The following ARB2A variants were observed in gnomAD, a reference collection of about 807,000 sequenced individuals.
ARB2A encodes ARB2 cotranscriptional regulator A, also known as cotranscriptional regulator ARB2A.
At chr5:93,939,048 C>T in the ARB2A span, among the ~76,000 whole-genome samples, 1 of 152,144 alleles carries the variant, frequency 6.6e-6, no homozygotes, top group Non-Finnish European at 1.5e-5. Flanking sequence ...TAAATGTTCT[C>T]TTAAATATTT....
At chr5:93,959,943 A>G in the ARB2A span, among the ~76,000 whole-genome samples, 1 of 152,036 alleles carries the variant, frequency 6.6e-6, no homozygotes, top group African/African-American at 2.4e-5. Context: ...GATCAAGCAG[A>G]AAGTTGACAT....
the ARB2A span, among the ~76,000 whole-genome samples, chr5:94,006,308 A>G: frequency 2.6e-5 from 4 of 152,254 alleles, no homozygotes; most frequent in Non-Finnish European, 1.5e-5. Flanking sequence ...CTCCATTTAT[A>G]TAACACTACT....
chr5:93,865,696 A>T, the ARB2A span: 2 of 985,300 alleles, frequency 2.0e-6, no homozygotes. Flanking sequence ...TCTTAATAAT[A>T]TGACATCCAG....
the ARB2A span, among the ~76,000 whole-genome samples, chr5:94,046,952 A>G: frequency 6.6e-6 from 1 of 152,218 alleles, no homozygotes; most frequent in Admixed American, 6.5e-5. Context: ...TTCAATTAAT[A>G]ATTAACCTTC....
chr5:93,939,166 A>T, the ARB2A span, among the ~76,000 whole-genome samples: 1 of 151,708 alleles, frequency 6.6e-6, no homozygotes, highest in Non-Finnish European at 1.5e-5. Flanking sequence ...CTTTCAAATA[A>T]TTTTTTTTTA....
the ARB2A span, chr5:94,111,692 A>G: frequency 6.6e-6 from 1 of 152,266 alleles, no homozygotes; most frequent in East Asian, 1.9e-4. Flanking sequence ...TACGCACTTG[A>G]CGGCAGCGGC....
chr5:94,082,900 AT>A, the ARB2A span, among the ~76,000 whole-genome samples: 1 of 152,230 alleles, frequency 6.6e-6, no homozygotes, highest in African/African-American at 2.4e-5. Flanking sequence ...TTCAAGTCAC[AT>A]TTTTAAACTA....
At chr5:93,865,767 T>G in the ARB2A span, 2 of 985,462 alleles carry the variant, frequency 2.0e-6, no homozygotes, top group Non-Finnish European at 2.4e-6. Flanking sequence ...CAAAACTGAC[T>G]ATAATGATGC....
At chr5:93,848,523 A>C in the ARB2A span, among the ~76,000 whole-genome samples, 3 of 152,270 alleles carry the variant, frequency 2.0e-5, no homozygotes, top group South Asian at 6.2e-4. Flanking sequence ...GGAACCACTA[A>C]TCAAACCATA....
At chr5:93,805,842 TATACAGTCA>T in the ARB2A span, 1 of 985,182 alleles carries the variant, frequency 1.0e-6, no homozygotes, top group African/African-American at 1.7e-5. Context: ...TTGTTGGTTG[TATACAGTCA>T]ATGGTTCTTC....
At chr5:93,620,815 A>C in the ARB2A span, 1 of 801,126 alleles carries the variant, frequency 1.2e-6, no homozygotes, top group Non-Finnish European at 1.8e-6. Flanking sequence ...TTGCTTTGAC[A>C]GTTGCACTCA....
the ARB2A span, among the ~76,000 whole-genome samples, chr5:94,051,145 C>A: frequency 6.6e-6 from 1 of 152,202 alleles, no homozygotes; most frequent in East Asian, 1.9e-4. Context: ...GCCCAGTCCT[C>A]AAGAAGCTTA....
chr5:93,882,933 T>G, the ARB2A span, among the ~76,000 whole-genome samples: 1 of 151,600 alleles, frequency 6.6e-6, no homozygotes, highest in South Asian at 2.1e-4. Flanking sequence ...CTACTTGAAG[T>G]TTAAATTTTA....
At chr5:93,986,458 C>T in the ARB2A span, among the ~76,000 whole-genome samples, 2 of 151,836 alleles carry the variant, frequency 1.3e-5, no homozygotes, top group South Asian at 2.1e-4. Context: ...CCCCTCTGCC[C>T]GGCCGCCACG....
chr5:93,658,088 C>T, the ARB2A span, among the ~76,000 whole-genome samples: 1 of 152,048 alleles, frequency 6.6e-6, no homozygotes, highest in African/African-American at 2.4e-5. Flanking sequence ...TTAAGTTAGA[C>T]TTCTTAATGT....
At chr5:93,865,954 C>T in the ARB2A span, 9 of 985,310 alleles carry the variant, frequency 9.1e-6, no homozygotes, top group Non-Finnish European at 9.6e-6. Context: ...CACAGCACAA[C>T]TCCAGGGGTT....
chr5:93,621,516 C>A, the ARB2A span, among the ~76,000 whole-genome samples: 1 of 152,250 alleles, frequency 6.6e-6, no homozygotes, highest in Non-Finnish European at 1.5e-5. Flanking sequence ...CTCCGCCTCT[C>A]CGGGCCAATG....
At chr5:94,049,927 T>C in the ARB2A span, among the ~76,000 whole-genome samples, 1 of 152,184 alleles carries the variant, frequency 6.6e-6, no homozygotes, top group African/African-American at 2.4e-5. Flanking sequence ...TATAAGTTTG[T>C]GTAAAAACAG....
the ARB2A span, among the ~76,000 whole-genome samples, chr5:93,974,132 C>A: frequency 9.2e-5 from 14 of 152,156 alleles, no homozygotes; most frequent in Non-Finnish European, 1.9e-4. Context: ...AAGACCCATC[C>A]TTCTACTGTC....
Sources: allele counts gnomAD v4.1 joint callset (sites outside exome capture counted in the v4.1 genomes callset), GRCh38; gene constraint gnomAD v4.1.1; transcripts MANE v1.5; gene names NCBI Gene and HGNC (gene_info 2026-07-23, HGNC 2026-07-21).